Variants in PPP1R9A observed in about 807,000 individuals in gnomAD.
PPP1R9A encodes neurabin-1.
A neutral mutation model predicts 141.9 loss-of-function variants in PPP1R9A; 59 were observed. That is an observed-to-expected ratio of 0.42 (90% CI 0.34 to 0.52). The LOEUF (loss-of-function observed/expected upper bound fraction) is 0.52, where lower values mean the gene tolerates loss of function less well. PPP1R9A is among the 20% of genes least tolerant of loss of function. The probability of loss-of-function intolerance (pLI) is 0.10; values close to 1 mark genes in which losing one functional copy is unlikely to be tolerated. For missense variants in PPP1R9A, 1,444 were observed against 1,611.9 expected, an observed-to-expected ratio of 0.90 and a Z score of 1.78; for synonymous variants, 500 against 569.7, an observed-to-expected ratio of 0.88 and a Z score of 1.74.
chr7:95,237,603 T>C (rs889919894), intron 8 of PPP1R9A, among the ~76,000 whole-genome samples: 1 of 152,180 alleles, frequency 6.6e-6, no homozygotes, highest in African/African-American at 2.4e-5. Flanking sequence ...TGAAAAAGCA[T>C]ATATTAAAAT....
At chr7:95,021,610 G>C (rs1374847391) in intron 2 of PPP1R9A, among the ~76,000 whole-genome samples, 1 of 152,072 alleles carries the variant, frequency 6.6e-6, no homozygotes, top group Non-Finnish European at 1.5e-5. Context: ...TAGGTCTTAT[G>C]TTTAAGTCTT....
chr7:95,205,542 AAAAGAC>A (rs1174026351), intron 7 of PPP1R9A, among the ~76,000 whole-genome samples: 1 of 152,218 alleles, frequency 6.6e-6, no homozygotes, highest in Non-Finnish European at 1.5e-5. Flanking sequence ...CTAAAATGCT[AAAAGAC>A]ATAGTGAGAG....
chr7:95,257,269 CA>C (rs1211147051), intron 12 of PPP1R9A, among the ~76,000 whole-genome samples: 21 of 152,070 alleles, frequency 1.4e-4, no homozygotes, highest in African/African-American at 4.8e-4. Flanking sequence ...ATGCAGAATA[CA>C]GAGTCCAGAA....
intron 12 of PPP1R9A, among the ~76,000 whole-genome samples, chr7:95,262,916 A>G (rs1050396673): frequency 1.3e-5 from 2 of 152,204 alleles, no homozygotes; most frequent in Non-Finnish European, 2.9e-5. Context: ...CCCTTCCTCC[A>G]TAACCGTGTC....
chr7:95,241,324 C>T (rs1196982398), intron 8 of PPP1R9A, among the ~76,000 whole-genome samples: 3 of 152,138 alleles, frequency 2.0e-5, no homozygotes, highest in Non-Finnish European at 4.4e-5. Context: ...TTTGAGGCCC[C>T]ATTCCTGGGC....
At chr7:94,924,277 A>T (rs1584234831) in intron 2 of PPP1R9A, among the ~76,000 whole-genome samples, 1 of 152,292 alleles carries the variant, frequency 6.6e-6, no homozygotes, top group East Asian at 1.9e-4. Flanking sequence ...GTACCCAATC[A>T]AGTTTGAGAC....
intron 2 of PPP1R9A, among the ~76,000 whole-genome samples, chr7:95,043,559 T>C (rs1451977272): frequency 8.5e-5 from 13 of 152,100 alleles, no homozygotes; most frequent in Admixed American, 7.2e-4. Flanking sequence ...GCAGGCACAG[T>C]GACCTTGTTC....
intron 2 of PPP1R9A, among the ~76,000 whole-genome samples, chr7:94,915,169 A>G (rs944565673): frequency 2.0e-5 from 3 of 152,254 alleles, no homozygotes; most frequent in Non-Finnish European, 4.4e-5. Flanking sequence ...TTACAGGATT[A>G]GAATTCAAAT....
intron 2 of PPP1R9A, among the ~76,000 whole-genome samples, chr7:94,926,273 T>C (rs992788142): frequency 3.9e-5 from 6 of 152,198 alleles, no homozygotes; most frequent in Non-Finnish European, 7.3e-5. Context: ...TGTGCTCTCT[T>C]TCGTTTGGGA....
intron 2 of PPP1R9A, among the ~76,000 whole-genome samples, chr7:95,103,917 CAT>C (rs981770436): frequency 4.9e-4 from 74 of 152,218 alleles, no homozygotes; most frequent in African/African-American, 1.7e-3. Context: ...GCATATATAA[CAT>C]AATATTTATG....
At chr7:95,099,738 T>C (rs1818508922) in intron 2 of PPP1R9A, among the ~76,000 whole-genome samples, 1 of 152,054 alleles carries the variant, frequency 6.6e-6, no homozygotes. Flanking sequence ...AACCAGTAAG[T>C]CATAAATAGA....
chr7:95,066,918 C>T (rs1813027772), intron 2 of PPP1R9A, among the ~76,000 whole-genome samples: 1 of 152,036 alleles, frequency 6.6e-6, no homozygotes, highest in African/African-American at 2.4e-5. Flanking sequence ...TTCTTATGCA[C>T]CAGAGATAAG....
intron 2 of PPP1R9A, among the ~76,000 whole-genome samples, chr7:95,077,506 C>T (rs949483294): frequency 4.0e-5 from 6 of 151,866 alleles, no homozygotes; most frequent in Admixed American, 6.6e-5. Context: ...AGTGAATGCA[C>T]ATTAAAGGAT....
At chr7:94,930,147 G>C (rs942985501) in intron 2 of PPP1R9A, among the ~76,000 whole-genome samples, 1 of 152,156 alleles carries the variant, frequency 6.6e-6, no homozygotes, top group Non-Finnish European at 1.5e-5. Context: ...TTAGATCCAG[G>C]TATATATGTC....
At chr7:95,101,758 T>C (rs1818825522) in intron 2 of PPP1R9A, among the ~76,000 whole-genome samples, 1 of 152,260 alleles carries the variant, frequency 6.6e-6, no homozygotes, top group South Asian at 2.1e-4. Flanking sequence ...AGAAGTGAGC[T>C]TACTATTTAT....
intron 2 of PPP1R9A, among the ~76,000 whole-genome samples, chr7:95,037,976 G>A (rs1347071405): frequency 6.6e-6 from 1 of 151,696 alleles, no homozygotes; most frequent in Non-Finnish European, 1.5e-5. Flanking sequence ...GCTAAGTGTG[G>A]TGGCAAGTGC....
intron 16 of PPP1R9A, among the ~76,000 whole-genome samples, chr7:95,279,095 G>A (rs764582402): frequency 1.3e-5 from 2 of 152,170 alleles, no homozygotes; most frequent in Non-Finnish European, 2.9e-5. Flanking sequence ...TATTTTGCTG[G>A]CAGTCTTGTT....
At chr7:95,240,955 G>A (rs1033995098) in intron 8 of PPP1R9A, among the ~76,000 whole-genome samples, 1 of 144,290 alleles carries the variant, frequency 6.9e-6, no homozygotes, top group Non-Finnish European at 1.5e-5. Context: ...TAGTAGGTTA[G>A]TCAGTAATTA....
chr7:95,255,003 A>G (rs1046645070), intron 12 of PPP1R9A, among the ~76,000 whole-genome samples: 2 of 152,148 alleles, frequency 1.3e-5, no homozygotes, highest in Admixed American at 6.5e-5. Flanking sequence ...TCATGATTAC[A>G]TAAAGCAGAC....
Sources: gnomAD v4.1 joint callset for allele counts (sites outside exome capture counted in the v4.1 genomes callset) on GRCh38, gnomAD v4.1.1 for gene constraint, MANE v1.5 for transcripts, NCBI Gene and HGNC (gene_info 2026-07-23, HGNC 2026-07-21) for gene names.